Variants in COL11A1 observed in about 807,000 individuals in gnomAD.
COL11A1 encodes collagen type XI alpha 1 chain.
In COL11A1, 74 loss-of-function variants were observed where a neutral mutation model predicts 265.2. That is an observed-to-expected ratio of 0.28 (90% CI 0.23 to 0.34). COL11A1 has a LOEUF of 0.34. COL11A1 is among the 10% of genes least tolerant of loss of function. The pLI, the probability that COL11A1 is intolerant of heterozygous loss-of-function variation, is 1.00. For missense variants in COL11A1, 2,165 were observed against 2,263.6 expected (o/e 0.96, Z 0.88); for synonymous variants, 816 against 727.6 (o/e 1.12, Z -1.96).
chr1:103,005,454 C>T (rs1665508058), intron 18 of COL11A1, among the ~76,000 whole-genome samples: 1 of 152,044 alleles, frequency 6.6e-6, no homozygotes, highest in Admixed American at 6.6e-5. Flanking sequence ...GACAAACCAC[C>T]TACAGATGTC....
intron 66 of COL11A1, 88 bp downstream of exon 66, chr1:102,879,595 A>T (rs1421666911): frequency 8.8e-7 from 1 of 1,142,716 alleles, no homozygotes; most frequent in Non-Finnish European, 1.3e-6. Flanking sequence ...CGTCCATTTC[A>T]TGAGAAAAAT....
At position 102,962,226 on chromosome 1, in the gene COL11A1, G is replaced by T. The variant is rs1306947876; in HGVS notation, c.3064C>A (p.Pro1022Thr). ...CCTGGGAAACCACGTAATCCTGCTGGTCCATCTTTCCCTGAGATACCTTGA... is the reference window on the plus strand; with the variant it reads ...CCTGGGAAACCACGTAATCCTGCTGTTCCATCTTTCCCTGAGATACCTTGA... Reference protein sequence around the residue: ...GPQGISGKDGPAGLRGFPGER... With the variant: ...GPQGISGKDGTAGLRGFPGER... The change falls in exon 40 of 67, where the codon CCA becomes ACA. Residue 1022 changes from proline to threonine, a missense_variant. Physicochemically the swap from Pro to Thr is conservative, Grantham distance 38. Transcript: ENST00000370096. 6.2e-7 allele frequency: 1 copy of T among 1,613,700 alleles called. No homozygotes were observed. The highest frequency in any genetic ancestry group is 2.2e-5 in the East Asian group (1 of 44,848).
chr1:102,941,464 C>T (rs1474424700), intron 42 of COL11A1, among the ~76,000 whole-genome samples: 2 of 152,190 alleles, frequency 1.3e-5, no homozygotes, highest in Non-Finnish European at 2.9e-5. Flanking sequence ...TGGCTTAGGG[C>T]AGCCTACCAT....
intron 4 of COL11A1, among the ~76,000 whole-genome samples, chr1:103,050,175 G>A (rs1257654403): frequency 6.6e-6 from 1 of 152,132 alleles, no homozygotes; most frequent in Non-Finnish European, 1.5e-5. Context: ...AAGTTCTCCT[G>A]GATAATATCC....
At chr1:103,026,924 G>T (rs557058301) in intron 5 of COL11A1, among the ~76,000 whole-genome samples, 38 of 151,988 alleles carry the variant, frequency 2.5e-4, no homozygotes, top group Non-Finnish European at 4.7e-4. Flanking sequence ...AATGTATTAA[G>T]AAATTCCTAA....
chr1:103,067,481 C>T (rs1249855527), intron 4 of COL11A1, among the ~76,000 whole-genome samples: 1 of 151,646 alleles, frequency 6.6e-6, no homozygotes, highest in Non-Finnish European at 1.5e-5. Context: ...GCAGCTAAAA[C>T]TGTGTTTAGA....
chr1:102,970,088 C>A, intron 37 of COL11A1, 131 bp downstream of exon 37: 1 of 582,414 alleles, frequency 1.7e-6, no homozygotes. Context: ...CAATAAAAGG[C>A]TTAATGGAAT....
At chr1:103,043,799 T>C (rs947001517) in intron 4 of COL11A1, among the ~76,000 whole-genome samples, 2 of 151,924 alleles carry the variant, frequency 1.3e-5, no homozygotes, top group African/African-American at 4.8e-5. Flanking sequence ...GTTTCAGGAG[T>C]CTTAAAGTCA....
At chr1:103,056,119 T>G (rs534032571) in intron 4 of COL11A1, among the ~76,000 whole-genome samples, 1 of 152,296 alleles carries the variant, frequency 6.6e-6, no homozygotes, top group African/African-American at 2.4e-5. Context: ...TGGAATCCAG[T>G]AGCTGAGCAG....
chr1:102,889,860 A>G (rs1235090936), intron 58 of COL11A1, among the ~76,000 whole-genome samples: 3 of 152,176 alleles, frequency 2.0e-5, no homozygotes, highest in East Asian at 3.9e-4. Flanking sequence ...CTCTAAACCA[A>G]TAATGATCTC....
chr1:102,958,776 A>G (rs991715527), intron 41 of COL11A1, among the ~76,000 whole-genome samples: 1 of 152,232 alleles, frequency 6.6e-6, no homozygotes, highest in Non-Finnish European at 1.5e-5. Flanking sequence ...TTAGCAAAGT[A>G]TAAAATCCTT....
intron 4 of COL11A1, among the ~76,000 whole-genome samples, chr1:103,032,257 T>C (rs1668049509): frequency 1.3e-5 from 2 of 152,124 alleles, no homozygotes; most frequent in Non-Finnish European, 2.9e-5. Flanking sequence ...TAGCTTTCTT[T>C]GCATCTTATC....
At chr1:103,091,744 T>A (rs1032851199) in intron 1 of COL11A1, among the ~76,000 whole-genome samples, 1 of 152,016 alleles carries the variant, frequency 6.6e-6, no homozygotes, top group African/African-American at 2.4e-5. Flanking sequence ...ATACTATAAA[T>A]AAACAAATGT....
chr1:102,913,061 C>T (rs2101022029), intron 53 of COL11A1, among the ~76,000 whole-genome samples: 1 of 152,248 alleles, frequency 6.6e-6, no homozygotes, highest in Non-Finnish European at 1.5e-5. Context: ...AAGCCTGTAT[C>T]TGTGATAGCA....
intron 4 of COL11A1, among the ~76,000 whole-genome samples, chr1:103,034,038 G>A (rs938607065): frequency 6.6e-6 from 1 of 152,142 alleles, no homozygotes; most frequent in East Asian, 1.9e-4. Context: ...ACTACTTCAT[G>A]CCCTCCACAG....
chr1:102,905,558 T>C (rs1653881085), intron 54 of COL11A1, among the ~76,000 whole-genome samples: 1 of 149,338 alleles, frequency 6.7e-6, no homozygotes, highest in Non-Finnish European at 1.5e-5. Context: ...TGTGACCAAA[T>C]ACCTCTTTCT....
intron 4 of COL11A1, among the ~76,000 whole-genome samples, chr1:103,044,162 C>A (rs1214873841): frequency 1.4e-5 from 2 of 142,946 alleles, no homozygotes; most frequent in African/African-American, 2.6e-5. Flanking sequence ...TTAACTCTCA[C>A]CAGTTTTTTT....
At chr1:102,945,358 C>A (rs532886459) in intron 42 of COL11A1, among the ~76,000 whole-genome samples, 11 of 151,850 alleles carry the variant, frequency 7.2e-5, no homozygotes, top group African/African-American at 2.7e-4. Context: ...GCCCCACTAT[C>A]TTGGACTTTC....
At chr1:103,010,632 G>A (rs1666030232) in intron 14 of COL11A1, among the ~76,000 whole-genome samples, 1 of 151,596 alleles carries the variant, frequency 6.6e-6, no homozygotes, top group South Asian at 2.1e-4. Flanking sequence ...ATTTCCTTGT[G>A]TTTTTCAAGA....
Sources: gnomAD v4.1 joint callset for allele counts (sites outside exome capture counted in the v4.1 genomes callset) on GRCh38, gnomAD v4.1.1 for gene constraint, MANE v1.5 for transcripts, NCBI Gene and HGNC (gene_info 2026-07-23, HGNC 2026-07-21) for gene names.